Variants in BICC1 observed in about 807,000 individuals in gnomAD.
BICC1 encodes the protein BicC family RNA binding protein 1.
In BICC1, 43 loss-of-function variants were observed where a neutral mutation model predicts 111.0. The ratio of observed to expected loss-of-function variants is 0.39; its 90% confidence interval spans 0.30 to 0.50. The LOEUF (loss-of-function observed/expected upper bound fraction) is 0.50. BICC1 is among the 20% of genes least tolerant of loss of function. The pLI is 0.88. For missense variants in BICC1, 1,091 were observed against 1,203.2 expected, an observed-to-expected ratio of 0.91 and a Z score of 1.38; for synonymous variants, 467 against 434.4, an observed-to-expected ratio of 1.07 and a Z score of -0.93.
At chr10:58,707,762 A>G (rs1395001988) in intron 3 of BICC1, among the ~76,000 whole-genome samples, 3 of 151,728 alleles carry the variant, frequency 2.0e-5, no homozygotes, top group Non-Finnish European at 1.5e-5. Context: ...CAATGGCGCA[A>G]TCTCGGCTCA....
At chr10:58,805,557 C>T (rs1843685766) in intron 15 of BICC1, among the ~76,000 whole-genome samples, 1 of 152,232 alleles carries the variant, frequency 6.6e-6, no homozygotes, top group African/African-American at 2.4e-5. Context: ...AAAAATCTGG[C>T]TTTCCTGACA....
intron 3 of BICC1, among the ~76,000 whole-genome samples, chr10:58,732,584 C>G (rs1016787537): frequency 3.3e-5 from 5 of 150,724 alleles, no homozygotes; most frequent in Non-Finnish European, 7.4e-5. Context: ...AGTTTGAGAC[C>G]AGCCTGGGCA....
At chr10:58,808,446 G>A (rs984172203) in intron 17 of BICC1, among the ~76,000 whole-genome samples, 2 of 152,148 alleles carry the variant, frequency 1.3e-5, no homozygotes, top group Admixed American at 1.3e-4. Flanking sequence ...TGTTCCTATA[G>A]TTTCAAAGAT....
At chr10:58,727,995 A>G (rs2393492) in intron 3 of BICC1, among the ~76,000 whole-genome samples, 151,557 of 152,340 alleles carry the variant, frequency 0.99, 75,397 homozygotes, top group Middle Eastern at 1. Flanking sequence ...GCTAGTGATC[A>G]TCTGAGCTTT....
intron 1 of BICC1, among the ~76,000 whole-genome samples, chr10:58,555,685 C>A (rs1049578589): frequency 2.0e-5 from 3 of 152,136 alleles, no homozygotes; most frequent in Middle Eastern, 3.2e-3. Context: ...GGCCTGGCAT[C>A]TCTGGAACTC....
At chr10:58,754,755 T>G (rs1437370316) in intron 3 of BICC1, among the ~76,000 whole-genome samples, 2 of 113,430 alleles carry the variant, frequency 1.8e-5, no homozygotes, top group East Asian at 5.0e-4. Flanking sequence ...TGAGGGGGGG[T>G]GTGTATGTGT....
At chr10:58,716,412 C>G (rs1443026879) in intron 3 of BICC1, among the ~76,000 whole-genome samples, 1 of 152,142 alleles carries the variant, frequency 6.6e-6, no homozygotes, top group Non-Finnish European at 1.5e-5. Context: ...TATTCCTGGA[C>G]TATTCAGTAG....
intron 11 of BICC1, among the ~76,000 whole-genome samples, chr10:58,798,773 T>C (rs1288387700): frequency 6.6e-6 from 1 of 152,126 alleles, no homozygotes; most frequent in African/African-American, 2.4e-5. Context: ...CATCTTCAAA[T>C]GTGATAAACA....
chr10:58,816,953 T>C (rs1844113756), intron 18 of BICC1, among the ~76,000 whole-genome samples: 1 of 152,068 alleles, frequency 6.6e-6, no homozygotes, highest in Non-Finnish European at 1.5e-5. Flanking sequence ...CAGAGACAGA[T>C]TTATTTTTGT....
At chr10:58,774,633 G>A (rs949108231) in intron 3 of BICC1, among the ~76,000 whole-genome samples, 3 of 152,094 alleles carry the variant, frequency 2.0e-5, no homozygotes, top group Admixed American at 6.5e-5. Flanking sequence ...TAATATATGT[G>A]TATTCTTAAA....
intron 1 of BICC1, among the ~76,000 whole-genome samples, chr10:58,604,058 A>G (rs1845129875): frequency 6.6e-6 from 1 of 151,982 alleles, no homozygotes; most frequent in Admixed American, 6.6e-5. Flanking sequence ...CTGCCTTTCC[A>G]TTTGTTTGGC....
At chr10:58,798,695 C>A in intron 11 of BICC1, 135 bp downstream of exon 11, 3 of 788,880 alleles carry the variant, frequency 3.8e-6, no homozygotes, top group East Asian at 2.9e-5. Flanking sequence ...ACAGAAATTC[C>A]CTGATATGTA....
At chr10:58,651,278 G>A (rs1355622140) in intron 2 of BICC1, among the ~76,000 whole-genome samples, 5 of 152,162 alleles carry the variant, frequency 3.3e-5, no homozygotes, top group Non-Finnish European at 7.3e-5. Context: ...CCTGTGTTGC[G>A]AGACAGTGAG....
intron 3 of BICC1, among the ~76,000 whole-genome samples, chr10:58,765,322 G>T (rs1418407302): frequency 1.3e-5 from 2 of 151,672 alleles, no homozygotes; most frequent in Non-Finnish European, 2.9e-5. Flanking sequence ...TCCCAAAAGT[G>T]CTGGCATTAC....
chr10:58,514,551 A>G (rs1324208634), intron 1 of BICC1, among the ~76,000 whole-genome samples: 2 of 152,352 alleles, frequency 1.3e-5, no homozygotes, highest in East Asian at 1.9e-4. Flanking sequence ...AACTTGGTGG[A>G]AACAAATAGC....
chr10:58,703,798 G>T (rs1840309763), intron 3 of BICC1, among the ~76,000 whole-genome samples: 2 of 152,136 alleles, frequency 1.3e-5, no homozygotes, highest in South Asian at 4.1e-4. Context: ...TTTACTTAAA[G>T]AATAAAATTA....
Position 58,529,959 on chromosome 10 carries a change from GT to G in BICC1, c.190+16637del, listed in dbSNP as rs577004070. On this transcript the variant is annotated intron_variant, in intron 1 of 20. Transcript: ENST00000373886. ...ATGATTAGCTTTCAAGCTTGTGAAA[GT>G]TTTTTTTTTTCATTTTAAATCATTT... 7.9e-3 allele frequency among the ~76,000 whole-genome samples: 1,159 copies of G among 147,560 alleles called. 15 individuals are homozygous for G. Among genetic ancestry groups the G allele is most frequent in the African/African-American group, 0.027 (1,076 of 40,370 alleles).
intron 1 of BICC1, among the ~76,000 whole-genome samples, chr10:58,538,654 A>G (rs538957875): frequency 4.6e-5 from 7 of 152,088 alleles, no homozygotes; most frequent in Admixed American, 1.3e-4. Flanking sequence ...AGAAATAACC[A>G]TTAAATAGAC....
At chr10:58,816,927 T>C (rs12776000) in intron 18 of BICC1, among the ~76,000 whole-genome samples, 14,147 of 152,132 alleles carry the variant, frequency 0.093, 856 homozygotes, top group Middle Eastern at 0.16. Context: ...AGCATTGCTG[T>C]CTTAAAAGTT....
Sources: allele counts gnomAD v4.1 joint callset (sites outside exome capture counted in the v4.1 genomes callset), GRCh38; gene constraint gnomAD v4.1.1; transcripts MANE v1.5; gene names NCBI Gene and HGNC (gene_info 2026-07-23, HGNC 2026-07-21).